LRRC7: variants seen among roughly 807,000 people sequenced by gnomAD.
LRRC7 encodes the protein leucine-rich repeat-containing protein 7.
In LRRC7, 23 loss-of-function variants were observed where a neutral mutation model predicts 175.7. The ratio of observed to expected loss-of-function variants is 0.13; its 90% CI spans 0.09 to 0.19. The LOEUF (loss-of-function observed/expected upper bound fraction) is 0.19, where lower values mean the gene tolerates loss of function less well. Ranked by LOEUF, LRRC7 falls within the 10% of genes least tolerant of loss-of-function variation. LRRC7 has a pLI of 1.00. For synonymous variants in LRRC7, 685 were observed against 680.9 expected, an observed-to-expected ratio of 1.01 and a Z score of -0.09; for missense variants, 1,354 against 1,904.7, an observed-to-expected ratio of 0.71 and a Z score of 5.38.
rs911250771 is a variant in LRRC7 at position 70,142,133 on chromosome 1, G to A, written c.*20246G>A. ...ACAACATAAAGCAGCTCCCATATCTGCTAGAAAGGTCATTAATTTTCAGAA... is the reference window on the plus strand; with the variant it reads ...ACAACATAAAGCAGCTCCCATATCTACTAGAAAGGTCATTAATTTTCAGAA... On this transcript the variant is annotated 3_prime_UTR_variant, in exon 27 of 27. Coordinates refer to ENST00000651989, the MANE Select transcript of LRRC7 (RefSeq NM_001370785.2). The A allele has an allele frequency of 6.6e-6, 1 of 152,020 alleles. No individual in the cohort carries two copies. Among genetic ancestry groups the A allele is most frequent in the African/African-American group, 2.4e-5 (1 of 41,408 alleles). 9.4% of individuals were successfully genotyped at this position (152,020 alleles called of 1,614,324 possible).
At chr1:69,678,614 G>C (rs1660094811) in intron 2 of LRRC7, 136 bp downstream of exon 2, 1 of 605,516 alleles carries the variant, frequency 1.7e-6, no homozygotes, top group East Asian at 2.8e-5. Flanking sequence ...TTTAAAATAA[G>C]TTACCATATG....
intron 3 of LRRC7, among the ~76,000 whole-genome samples, chr1:69,766,137 G>T (rs930731462): frequency 4.6e-5 from 7 of 151,936 alleles, no homozygotes; most frequent in Non-Finnish European, 1.0e-4. Flanking sequence ...GCTGGAACTT[G>T]CCCAGAAGTT....
Position 70,125,787 on chromosome 1 carries a change from G to C in LRRC7, c.*3900G>C, listed in dbSNP as rs1365474088. On this transcript the variant is annotated 3_prime_UTR_variant, in exon 27 of 27. Coordinates refer to ENST00000651989, the MANE Select transcript of LRRC7 (RefSeq NM_001370785.2). ...AGCCTGGGCGACAGAGCGAGACTCC[G>C]TCTCAAAAAAAAAAAAAAAAAAAAA... 6.2e-5 allele frequency among the ~76,000 whole-genome samples: 4 copies of C among 64,084 alleles called. No individual in the cohort carries two copies. The highest frequency in any genetic ancestry group is 1.9e-4 in the Admixed American group (1 of 5,136). 42.0% of individuals were successfully genotyped at this position (64,084 alleles called of 152,430 possible).
intron 11 of LRRC7, among the ~76,000 whole-genome samples, chr1:70,002,829 CA>C (rs1208842031): frequency 6.6e-6 from 1 of 151,946 alleles, no homozygotes; most frequent in Non-Finnish European, 1.5e-5. Context: ...TAGTAAAATC[CA>C]AAAAGACATT....
At chr1:69,741,585 GAA>G (rs1405831370) in intron 2 of LRRC7, among the ~76,000 whole-genome samples, 3 of 151,850 alleles carry the variant, frequency 2.0e-5, no homozygotes, top group Admixed American at 6.6e-5. Context: ...GATTAGCGTA[GAA>G]AGAGAGCACA....
intron 7 of LRRC7, chr1:69,874,418 A>C (rs1200990609): frequency 6.6e-6 from 1 of 152,176 alleles, no homozygotes; most frequent in African/African-American, 2.4e-5. Flanking sequence ...TGCCTAATGC[A>C]GTACAGCAAA....
chr1:70,044,163 G>T, intron 22 of LRRC7, 69 bp downstream of exon 22: 1 of 1,538,294 alleles, frequency 6.5e-7, no homozygotes, highest in Non-Finnish European at 8.9e-7. Context: ...CACTTAATGT[G>T]TTTAGGCTAT....
chr1:69,635,242 G>C (rs1653142325), intron 1 of LRRC7, among the ~76,000 whole-genome samples: 2 of 152,068 alleles, frequency 1.3e-5, no homozygotes, highest in South Asian at 4.1e-4. Flanking sequence ...CCATGTCCCT[G>C]CAAAGAACAT....
At chr1:69,818,445 C>T (rs1678855491) in intron 4 of LRRC7, among the ~76,000 whole-genome samples, 1 of 151,938 alleles carries the variant, frequency 6.6e-6, no homozygotes, top group African/African-American at 2.4e-5. Flanking sequence ...ACCATCTTTG[C>T]CTCCCCAGGG....
At chr1:69,668,186 T>A (rs1041779431) in intron 1 of LRRC7, among the ~76,000 whole-genome samples, 1 of 152,204 alleles carries the variant, frequency 6.6e-6, no homozygotes, top group African/African-American at 2.4e-5. Flanking sequence ...GGGATACATG[T>A]GCAGAATGTG....
chr1:69,677,838 G>C (rs1659986786), intron 1 of LRRC7, among the ~76,000 whole-genome samples: 2 of 152,160 alleles, frequency 1.3e-5, no homozygotes, highest in Admixed American at 6.6e-5. Flanking sequence ...ATGGAGGCTA[G>C]GAAGTCCAAG....
intron 3 of LRRC7, among the ~76,000 whole-genome samples, chr1:69,778,975 T>TAC (rs567279255): frequency 1.9e-4 from 22 of 116,482 alleles, no homozygotes; most frequent in African/African-American, 6.7e-4. Context: ...TATATATATA[T>TAC]ACACACACAC....
At chr1:70,084,072 G>C (rs2102152588) in intron 24 of LRRC7, among the ~76,000 whole-genome samples, 1 of 152,108 alleles carries the variant, frequency 6.6e-6, no homozygotes, top group East Asian at 1.9e-4. Flanking sequence ...TCCTTACTAT[G>C]GTATAGTGTC....
At chr1:69,756,050 C>A (rs968200559) in intron 2 of LRRC7, among the ~76,000 whole-genome samples, 1 of 151,916 alleles carries the variant, frequency 6.6e-6, no homozygotes, top group South Asian at 2.1e-4. Flanking sequence ...TAGTTAATAT[C>A]TTCTGAGAAA....
intron 2 of LRRC7, among the ~76,000 whole-genome samples, chr1:69,733,361 G>A (rs2100825909): frequency 6.6e-6 from 1 of 151,956 alleles, no homozygotes; most frequent in East Asian, 1.9e-4. Flanking sequence ...ATATGAAATG[G>A]CACATTATTC....
intron 8 of LRRC7, among the ~76,000 whole-genome samples, chr1:69,948,857 G>A (rs1279339526): frequency 5.3e-5 from 8 of 152,126 alleles, no homozygotes; most frequent in East Asian, 3.9e-4. Flanking sequence ...GTGCTGTTTC[G>A]ATTGTGCCAA....
Position 70,038,174 on chromosome 1 carries a change from G to C in LRRC7, c.2350G>C (p.Val784Leu), listed in dbSNP as rs1659503524. 1.2e-6 allele frequency: 2 copies of C among 1,614,014 alleles called. No individual in the cohort carries two copies. Among genetic ancestry groups the C allele is most frequent in the Non-Finnish European group, 8.5e-7 (1 of 1,179,962 alleles). ...GCCATTACTCAGCCAGCGGGAGGCT[G>C]TTCCCCCAGGCAATATACCACAGCG... is the stretch of plus-strand genomic sequence containing the variant. Reference protein sequence around the residue: ...SKPLLSQREAVPPGNIPQRPD... With the variant: ...SKPLLSQREALPPGNIPQRPD... Residue 784 changes from valine (V) to leucine (L), a missense_variant, in exon 21 of 27, where the codon GTT becomes CTT. Val to Leu is a conservative substitution (Grantham distance 32). This residue lies in a region of LRRC7 where 1,032 missense variants were observed against 1,227.2 expected (regional missense o/e 0.84). Coordinates refer to ENST00000651989, the MANE Select transcript of LRRC7 (RefSeq NM_001370785.2).
chr1:70,131,343 G>A lies in LRRC7; in HGVS notation c.*9456G>A, dbSNP rs1666655396. Among the ~76,000 whole-genome samples the A allele has an allele frequency of 2.0e-5, 3 of 152,248 alleles. No individual in the cohort carries two copies. The highest frequency in any genetic ancestry group is 7.2e-5 in the African/African-American group (3 of 41,554). ...ATCTAATGATATCTAAGACCCCCAG[G>A]TTGGTAAGCTCCTAACCACAATCCC... On this transcript the variant is annotated 3_prime_UTR_variant, in exon 27 of 27. Coordinates refer to ENST00000651989, the MANE Select transcript of LRRC7 (RefSeq NM_001370785.2).
intron 2 of LRRC7, among the ~76,000 whole-genome samples, chr1:69,694,105 G>A (rs1410449723): frequency 6.6e-6 from 1 of 152,056 alleles, no homozygotes; most frequent in Non-Finnish European, 1.5e-5. Flanking sequence ...CCCAAGCCTG[G>A]ACTTGATCTC....
Sources: gnomAD v4.1 joint callset for allele counts (sites outside exome capture counted in the v4.1 genomes callset) on GRCh38, gnomAD v4.1.1 for gene constraint, gnomAD v4.1.1 regional missense constraint, MANE v1.5 for transcripts, NCBI Gene and HGNC (gene_info 2026-07-23, HGNC 2026-07-21) for gene names.